Variants in GALNT18 observed in about 807,000 individuals in gnomAD.
GALNT18 encodes the protein GalNAc-transferase 18.
A neutral mutation model predicts 69.5 loss-of-function variants in GALNT18; 44 were observed. The observed-to-expected ratio is 0.63, with a 90% CI of 0.50 to 0.81. The LOEUF (loss-of-function observed/expected upper bound fraction) is 0.81. Ranked by LOEUF, GALNT18 falls within the 40% of genes least tolerant of loss-of-function variation. GALNT18 has a pLI of 0.00. For missense variants in GALNT18, 715 were observed against 810.0 expected, an observed-to-expected ratio of 0.88 and a Z score of 1.42; for synonymous variants, 364 against 318.2, an observed-to-expected ratio of 1.14 and a Z score of -1.53.
chr11:11,326,988 G>T (rs990790887), intron 9 of GALNT18, 98 bp downstream of exon 9: 2 of 882,202 alleles, frequency 2.3e-6, no homozygotes, highest in Middle Eastern at 3.0e-4. Context: ...CCATGACAGA[G>T]CCTAGCTCTC....
intron 1 of GALNT18, among the ~76,000 whole-genome samples, chr11:11,473,116 C>T (rs72863079): frequency 0.11 from 16,231 of 152,238 alleles, 973 homozygotes; most frequent in Middle Eastern, 0.15. Context: ...CCACCTCCCT[C>T]TAAACAAGGC....
intron 1 of GALNT18, among the ~76,000 whole-genome samples, chr11:11,575,886 C>G (rs748839418): frequency 6.6e-6 from 1 of 152,172 alleles, no homozygotes; most frequent in East Asian, 1.9e-4. Flanking sequence ...GGACGAAATG[C>G]GACATCTGCT....
intron 1 of GALNT18, among the ~76,000 whole-genome samples, chr11:11,609,582 A>G (rs1859843735): frequency 6.6e-6 from 1 of 152,226 alleles, no homozygotes; most frequent in Non-Finnish European, 1.5e-5. Context: ...ATCTGAGCAC[A>G]TACCAAAAGA....
chr11:11,498,248 G>A (rs577612352), intron 1 of GALNT18, among the ~76,000 whole-genome samples: 6 of 152,138 alleles, frequency 3.9e-5, no homozygotes, highest in South Asian at 2.1e-4. Context: ...TTCTCTTTTC[G>A]CTCATATTTT....
chr11:11,449,617 C>T (rs2133821073), intron 1 of GALNT18, among the ~76,000 whole-genome samples: 1 of 152,384 alleles, frequency 6.6e-6, no homozygotes, highest in Admixed American at 6.5e-5. Context: ...GTGGAGGCAG[C>T]TCAAGGCCAG....
intron 1 of GALNT18, among the ~76,000 whole-genome samples, chr11:11,576,720 T>C (rs780220389): frequency 3.3e-5 from 5 of 152,254 alleles, no homozygotes; most frequent in Admixed American, 6.5e-5. Context: ...GGTTAGTGCA[T>C]GGCACTAATG....
chr11:11,449,398 C>T (rs979027618), intron 1 of GALNT18, among the ~76,000 whole-genome samples: 1 of 152,244 alleles, frequency 6.6e-6, no homozygotes, highest in South Asian at 2.1e-4. Context: ...CTTGCCAGCC[C>T]TTCTCCCTCT....
Position 11,273,274 on chromosome 11 carries a change from T to A in GALNT18, c.1678-1984A>T, listed in dbSNP as rs903407740. Among the ~76,000 whole-genome samples the A allele has an allele frequency of 2.6e-5, 4 of 152,144 alleles. No individual in the cohort carries two copies. The South Asian group carries it at 8.3e-4, about 32-fold the overall frequency. On this transcript the variant is annotated intron_variant, in intron 10 of 10. Coordinates refer to ENST00000227756, the MANE Select transcript of GALNT18 (RefSeq NM_198516.3). ...AAAGTAAAGAGACAGCCCACAGAAC[T>A]GGAGAAAATATTTGCAAACTACCCC...
At chr11:11,317,406 CT>C (rs1421111823) in intron 9 of GALNT18, among the ~76,000 whole-genome samples, 1 of 152,198 alleles carries the variant, frequency 6.6e-6, no homozygotes, top group Non-Finnish European at 1.5e-5. Flanking sequence ...AAAACTATTC[CT>C]ATCGCTTTTT....
At chr11:11,521,802 G>A (rs1479608945) in intron 1 of GALNT18, among the ~76,000 whole-genome samples, 1 of 152,140 alleles carries the variant, frequency 6.6e-6, no homozygotes, top group African/African-American at 2.4e-5. Context: ...CACACCTTTG[G>A]CCAGGAAAGG....
intron 10 of GALNT18, among the ~76,000 whole-genome samples, chr11:11,292,642 G>A (rs537650976): frequency 1.2e-4 from 18 of 152,240 alleles, no homozygotes; most frequent in African/African-American, 4.1e-4. Context: ...GAAACGTGAA[G>A]GTTTAAAGTC....
At chr11:11,451,997 T>C (rs78619590) in intron 1 of GALNT18, among the ~76,000 whole-genome samples, 2,321 of 152,246 alleles carry the variant, frequency 0.015, 59 homozygotes, top group African/African-American at 0.053. Context: ...ATATTCTCTT[T>C]GGAGCTGAAG....
intron 9 of GALNT18, among the ~76,000 whole-genome samples, chr11:11,322,166 C>G (rs1457994104): frequency 1.3e-5 from 2 of 152,196 alleles, no homozygotes; most frequent in Non-Finnish European, 1.5e-5. Context: ...TTTGGTGTAT[C>G]TACCATTGTT....
rs1396479000 is a variant in GALNT18, at chr11:11,332,638, A to G, written c.1416+56T>C. On this transcript the variant is annotated intron_variant, in intron 8 of 10. Transcript: ENST00000227756. This position sits in a 1 kb window ranked among gnomAD's most constrained non-coding sequence, Gnocchi z 4.3. Reference sequence around the variant, plus strand: ...CTCTTTCCCTCCTCTCCCTTTCTTCACTATGTTTCTTTCTGTCTGTGTCTG... The same window carrying G: ...CTCTTTCCCTCCTCTCCCTTTCTTCGCTATGTTTCTTTCTGTCTGTGTCTG... The G allele has an allele frequency of 1.6e-5, 25 of 1,593,474 alleles. No individual in the cohort carries two copies. The highest frequency in any genetic ancestry group is 1.9e-5 in the Non-Finnish European group (22 of 1,162,888).
At chr11:11,572,651 AAT>A (rs201278116) in intron 1 of GALNT18, among the ~76,000 whole-genome samples, 3,432 of 152,162 alleles carry the variant, frequency 0.023, 122 homozygotes, top group African/African-American at 0.077. Context: ...TACACAGAGC[AAT>A]GGTGCAGGAG....
intron 3 of GALNT18, among the ~76,000 whole-genome samples, chr11:11,400,960 G>A (rs1264387825): frequency 6.6e-6 from 1 of 152,126 alleles, no homozygotes; most frequent in African/African-American, 2.4e-5. Context: ...TGCCAGGAGC[G>A]GGGCTAAGTG....
In GALNT18 at chr11:11,432,681, C is replaced by T. The variant is rs1220789408; in HGVS notation, c.535G>A (p.Glu179Lys). The T allele has an allele frequency of 9.9e-6, 16 of 1,613,210 alleles. No individual in the cohort carries two copies. The highest frequency in any genetic ancestry group is 2.7e-5 in the African/African-American group (2 of 74,938). The stretch of plus-strand genomic sequence containing the variant: ...TTGAGCAGATGTGGGGGCGTGCGTT[C>T]CATGGCCGAGTGGATGGAGCGCAGC... ...VLLRSIHSAM[E>K]RTPPHLLKEI... The change falls in exon 3 of 11, where the codon GAA (glutamate) becomes AAA (lysine). Residue 179 changes from glutamate to lysine, a missense_variant. Glu to Lys is a moderately conservative substitution (Grantham distance 56). Coordinates refer to ENST00000227756, the MANE Select transcript of GALNT18 (RefSeq NM_198516.3). This position sits in a 1 kb window ranked among gnomAD's most constrained non-coding sequence, Gnocchi z 5.8.
intron 2 of GALNT18, among the ~76,000 whole-genome samples, chr11:11,433,902 A>G (rs2133796847): frequency 6.6e-6 from 1 of 152,292 alleles, no homozygotes; most frequent in East Asian, 1.9e-4. Context: ...TGAAGGCTCC[A>G]GGGCGTTAGG....
rs1046637992 is a variant in GALNT18 at position 11,389,913 on chromosome 11, TCTC to T, written c.596-10652_596-10650del. Among the ~76,000 whole-genome samples the T allele has an allele frequency of 2.6e-5, 4 of 152,018 alleles. No homozygotes were observed. Among genetic ancestry groups the T allele is most frequent in the African/African-American group, 9.7e-5 (4 of 41,386 alleles). On this transcript the variant is annotated intron_variant, in intron 3 of 10. Transcript: ENST00000227756. The surrounding 1 kb of genome is among the most constrained non-coding windows in gnomAD (Gnocchi z 4.3). Reference sequence around the variant, plus strand: ...GCCAACTTGAATTTTGGTGCTGGCTTCTCCTTTTTTGCAAGGCTTAGAGTTTAG... The same window carrying T: ...GCCAACTTGAATTTTGGTGCTGGCTTCTTTTTTGCAAGGCTTAGAGTTTAG...
Sources: gnomAD v4.1 joint callset for allele counts (sites outside exome capture counted in the v4.1 genomes callset) on GRCh38, gnomAD v4.1.1 for gene constraint, Gnocchi (gnomAD v3.1) non-coding constraint, MANE v1.5 for transcripts, NCBI Gene and HGNC (gene_info 2026-07-23, HGNC 2026-07-21) for gene names.